The following PSMA8 variants were observed in gnomAD, a reference collection of about 807,000 sequenced individuals.
PSMA8 encodes the protein proteasome 20S subunit alpha 8, also known as proteasome subunit alpha-type 8.
PSMA8 carries 18 observed loss-of-function variants against 32.4 expected under a neutral mutation model. The ratio of observed to expected loss-of-function variants is 0.56; its 90% confidence interval spans 0.38 to 0.82. The LOEUF (loss-of-function observed/expected upper bound fraction) is 0.82. Among genes scored for constraint, PSMA8 ranks in the 40% least tolerant of loss-of-function variants. The pLI, the probability that PSMA8 is intolerant of heterozygous loss-of-function variation, is 0.00. For missense variants in PSMA8, 298 were observed against 300.7 expected, an observed-to-expected ratio of 0.99 and a Z score of 0.07; for synonymous variants, 104 against 98.1, an observed-to-expected ratio of 1.06 and a Z score of -0.36.
intron 6 of PSMA8, among the ~76,000 whole-genome samples, chr18:26,187,611 C>CA (rs769719952): frequency 6.6e-6 from 1 of 151,324 alleles, no homozygotes; most frequent in Admixed American, 6.6e-5. Context: ...CAATAGAAAC[C>CA]AAAAAAGAGC....
At position 26,192,261 on chromosome 18, in the gene PSMA8, T is replaced by A. The variant is rs978975442; in HGVS notation, c.661-58T>A. The A allele has an allele frequency of 2.8e-5, 33 of 1,199,296 alleles. No individual in the cohort carries two copies. In the Middle Eastern group the frequency reaches 8.4e-4, roughly 31 times the overall value. The allele number at this position is 1,199,296 out of a possible 1,614,324, so 74.3% of individuals were successfully genotyped here. On this transcript the variant is annotated intron_variant, in intron 6 of 6. Transcript: ENST00000415576. ...TTAAATATTGGAATTCTTCATATTG[T>A]ATTTACATATTATTCGTATAACTGA...
intron 6 of PSMA8, among the ~76,000 whole-genome samples, chr18:26,186,472 T>C (rs1039872306): frequency 6.6e-6 from 1 of 152,134 alleles, no homozygotes; most frequent in African/African-American, 2.4e-5. Flanking sequence ...AGTGTAAACC[T>C]TTATTATTTG....
intron 1 of PSMA8, among the ~76,000 whole-genome samples, chr18:26,143,162 AT>A (rs2144275616): frequency 6.6e-6 from 1 of 152,292 alleles, no homozygotes; most frequent in East Asian, 1.9e-4. Flanking sequence ...TTGTTATAAC[AT>A]TGATGAGAAA....
chr18:26,155,930 T>C (rs2055085285), intron 3 of PSMA8, among the ~76,000 whole-genome samples: 1 of 152,200 alleles, frequency 6.6e-6, no homozygotes, highest in Non-Finnish European at 1.5e-5. Context: ...ATCTGGAATG[T>C]ACGAGGAACT....
chr18:26,160,970 A>G (rs1291297482), intron 4 of PSMA8, among the ~76,000 whole-genome samples: 1 of 152,194 alleles, frequency 6.6e-6, no homozygotes, highest in East Asian at 1.9e-4. Flanking sequence ...AATACTTTGA[A>G]TTTTAGATAC....
intron 4 of PSMA8, among the ~76,000 whole-genome samples, chr18:26,163,126 A>C (rs2055148272): frequency 6.7e-6 from 1 of 150,000 alleles, no homozygotes; most frequent in Non-Finnish European, 1.5e-5. Context: ...ACAGATGAAA[A>C]TTCCTGCCCC....
At chr18:26,153,253 T>C (rs2144296474) in intron 3 of PSMA8, among the ~76,000 whole-genome samples, 1 of 152,334 alleles carries the variant, frequency 6.6e-6, no homozygotes, top group South Asian at 2.1e-4. Flanking sequence ...CTTTCATTTT[T>C]CTTCTCTCTC....
chr18:26,143,188 A>T (rs897553401), intron 1 of PSMA8, among the ~76,000 whole-genome samples: 2 of 152,092 alleles, frequency 1.3e-5, no homozygotes, highest in Non-Finnish European at 2.9e-5. Context: ...ATCGATTCCC[A>T]CCGAAGGCCA....
At chr18:26,173,599 C>T (rs1319194451) in intron 4 of PSMA8, among the ~76,000 whole-genome samples, 4 of 151,398 alleles carry the variant, frequency 2.6e-5, no homozygotes, top group Admixed American at 6.6e-5. Flanking sequence ...TCTTGTTGCC[C>T]GGGCTGGAGT....
chr18:26,156,414 T>TA (rs2055089435), intron 3 of PSMA8, among the ~76,000 whole-genome samples: 1 of 152,084 alleles, frequency 6.6e-6, no homozygotes, highest in Non-Finnish European at 1.5e-5. Context: ...GCCTAAGCAT[T>TA]CATCAACAGA....
chr18:26,179,045 A>C (rs778776037), intron 5 of PSMA8, 23 bp from the exon 6 acceptor site: 2 of 1,610,068 alleles, frequency 1.2e-6, no homozygotes, highest in Non-Finnish European at 1.7e-6. Context: ...AATAATTCTA[A>C]TAGTGTACTT....
intron 6 of PSMA8, among the ~76,000 whole-genome samples, chr18:26,189,188 TTTGTATGTCTTC>T (rs1183387264): frequency 6.6e-6 from 1 of 152,104 alleles, no homozygotes. Flanking sequence ...AGGATTTGAA[TTTGTATGTCTTC>T]TTTTCTCAAA....
intron 4 of PSMA8, among the ~76,000 whole-genome samples, chr18:26,169,150 T>C (rs1598660987): frequency 7.6e-6 from 1 of 131,576 alleles, no homozygotes; most frequent in East Asian, 2.2e-4. Context: ...CCCAGCTAAT[T>C]TCTGTGTTTT....
At chr18:26,143,422 G>A (rs762756019) in intron 1 of PSMA8, among the ~76,000 whole-genome samples, 3 of 152,192 alleles carry the variant, frequency 2.0e-5, no homozygotes, top group Non-Finnish European at 2.9e-5. Context: ...ATAGGCTGCA[G>A]CCACCTGTGA....
At position 26,179,072 on chromosome 18, in the gene PSMA8, T is replaced by C; in HGVS notation, c.602T>C (p.Val201Ala). The change falls in exon 6 of 7, where the codon GTC (valine) becomes GCC (alanine). Residue 201 changes from valine to alanine, a missense_variant. Transcript: ENST00000415576. The stretch of plus-strand genomic sequence containing the variant: ...AGTGTACTTGTTCTACATTAGGTTG[T>C]CCAGTCTGGTGGAAAAAACATTGAA... ...KLAIKALLEV[V>A]QSGGKNIELA... 6.2e-7 allele frequency: 1 copy of C among 1,613,304 alleles called. No individual in the cohort carries two copies. Among genetic ancestry groups the C allele is most frequent in the Non-Finnish European group, 8.5e-7 (1 of 1,179,536 alleles).
intron 6 of PSMA8, among the ~76,000 whole-genome samples, chr18:26,181,508 G>GT (rs752795782): frequency 7.9e-5 from 12 of 152,194 alleles, no homozygotes; most frequent in Non-Finnish European, 1.5e-4. Context: ...TGTCACATGA[G>GT]TTTTAAATAA....
At chr18:26,189,642 C>T (rs142920520) in intron 6 of PSMA8, among the ~76,000 whole-genome samples, 133 of 152,272 alleles carry the variant, frequency 8.7e-4, no homozygotes, top group African/African-American at 3.1e-3. Flanking sequence ...AGACAAGCTA[C>T]AGCAAATGCT....
At chr18:26,172,287 C>T (rs1162823270) in intron 4 of PSMA8, among the ~76,000 whole-genome samples, 1 of 152,182 alleles carries the variant, frequency 6.6e-6, no homozygotes, top group Non-Finnish European at 1.5e-5. Context: ...CAGAAAACTT[C>T]TTATAGGGCC....
chr18:26,155,656 TG>T (rs2055082975), intron 3 of PSMA8, among the ~76,000 whole-genome samples: 1 of 152,136 alleles, frequency 6.6e-6, no homozygotes, highest in Admixed American at 6.5e-5. Context: ...CTACTTAAAA[TG>T]GACTAAAGAC....
Sources: gnomAD v4.1 joint callset for allele counts (sites outside exome capture counted in the v4.1 genomes callset) on GRCh38, gnomAD v4.1.1 for gene constraint, MANE v1.5 for transcripts, NCBI Gene and HGNC (gene_info 2026-07-23, HGNC 2026-07-21) for gene names.